The following PCLO variants were observed in gnomAD, a reference collection of about 807,000 sequenced individuals.
The protein encoded by PCLO is protein piccolo.
A neutral mutation model predicts 427.5 loss-of-function variants in PCLO; 82 were observed. The observed-to-expected ratio is 0.19, with a 90% CI of 0.16 to 0.23. The LOEUF is 0.23. PCLO is among the 10% of genes least tolerant of loss of function. The pLI, the probability that PCLO is intolerant of heterozygous loss-of-function variation, is 1.00. For synonymous variants in PCLO, 2,357 were observed against 2,155.4 expected (o/e 1.09, Z -2.59); for missense variants, 6,239 against 6,115.9 (o/e 1.02, Z -0.67).
At chr7:83,072,770 C>A (rs17239691) in intron 3 of PCLO, among the ~76,000 whole-genome samples, 1 of 151,940 alleles carries the variant, frequency 6.6e-6, no homozygotes, top group Non-Finnish European at 1.5e-5. Flanking sequence ...TTTCCACTTG[C>A]TGATGCCTCA....
intron 3 of PCLO, among the ~76,000 whole-genome samples, chr7:83,087,328 A>G (rs1790262885): frequency 6.6e-6 from 1 of 152,066 alleles, no homozygotes; most frequent in Non-Finnish European, 1.5e-5. Flanking sequence ...AGGGCGACAG[A>G]TTAAAAACTG....
At chr7:82,980,225 GAGA>G (rs1796116362) in intron 3 of PCLO, among the ~76,000 whole-genome samples, 1 of 152,152 alleles carries the variant, frequency 6.6e-6, no homozygotes, top group Non-Finnish European at 1.5e-5. Context: ...CAGGGGAGAA[GAGA>G]AGGAGCCGAG....
chr7:82,987,218 A>T (rs1796275464), intron 3 of PCLO, among the ~76,000 whole-genome samples: 1 of 152,032 alleles, frequency 6.6e-6, no homozygotes, highest in African/African-American at 2.4e-5. Context: ...ACTGTGGCAT[A>T]GATAAGACAT....
At chr7:83,087,135 T>C (rs1364377692) in intron 3 of PCLO, among the ~76,000 whole-genome samples, 1 of 150,794 alleles carries the variant, frequency 6.6e-6, no homozygotes, top group Non-Finnish European at 1.5e-5. Flanking sequence ...GACGAGTTAA[T>C]AGGTGCAGCA....
chr7:83,162,297 G>T (rs376263351), intron 1 of PCLO, 48 bp downstream of exon 1: 516 of 1,529,816 alleles, frequency 3.4e-4, no homozygotes, highest in Middle Eastern at 6.9e-4. Context: ...ATATGTGCAC[G>T]GGAAGCTGTA....
At chr7:83,057,347 TA>T (rs1164582222) in intron 3 of PCLO, among the ~76,000 whole-genome samples, 103 of 20,360 alleles carry the variant, frequency 5.1e-3, no homozygotes, top group East Asian at 0.01. Flanking sequence ...TATATATATA[TA>T]TTTTTTTTTT....
In PCLO at chr7:82,952,072, T is replaced by C. The variant is rs1335442515; in HGVS notation, c.8881A>G (p.Thr2961Ala). The change falls in exon 5 of 25, where the codon ACT becomes GCT. Residue 2961 changes from threonine to alanine, a missense_variant. Physicochemically the swap from Thr to Ala is moderately conservative, Grantham distance 58. Transcript: ENST00000333891. ...TAACCAAAACGATCCTCAGGAAGAGTAGTTGCAGGCTGCTGTGCTGTGCAG... is the reference window on the plus strand; with the variant it reads ...TAACCAAAACGATCCTCAGGAAGAGCAGTTGCAGGCTGCTGTGCTGTGCAG... ...RSCTAQQPAT[T>A]LPEDRFGYRD... 7 of 1,613,396 alleles carry C rather than the reference T, an allele frequency of 4.3e-6. No individual in the cohort carries two copies. Among genetic ancestry groups the C allele is most frequent in the East Asian group, 4.5e-5 (2 of 44,854 alleles).
chr7:82,874,565 A>T, intron 10 of PCLO, among the ~76,000 whole-genome samples: 1 of 152,200 alleles, frequency 6.6e-6, no homozygotes, highest in Non-Finnish European at 1.5e-5. Context: ...TTTAAAGAAT[A>T]AGCATGTAGT....
intron 3 of PCLO, among the ~76,000 whole-genome samples, chr7:83,070,473 T>C (rs377594743): frequency 0.012 from 1,876 of 151,324 alleles, 45 homozygotes; most frequent in African/African-American, 0.042. Context: ...GTGCAAGCTC[T>C]GCCTCCCGGG....
Position 82,955,029 on chromosome 7 carries a change from G to C in PCLO, c.5924C>G (p.Thr1975Arg). 6.2e-7 allele frequency: 1 copy of C among 1,613,604 alleles called. No individual in the cohort carries two copies. Among genetic ancestry groups the C allele is most frequent in the Admixed American group, 1.7e-5 (1 of 60,010 alleles). ...AAATCCATTTTCTTCTTCTTGCCTT[G>C]TTAGCAGACTGCCATCTACCGATCC... ...YNGSVDGSLL[T>R]RQEEENGFMQ... Residue 1975 changes from threonine (T) to arginine (R), a missense_variant, in exon 5 of 25, where the codon ACA becomes AGA. By Grantham distance (71) the Thr-to-Arg change is moderately conservative (BLOSUM62 -1). Transcript: ENST00000333891.
At chr7:82,867,832 A>G (rs1036737970) in intron 10 of PCLO, among the ~76,000 whole-genome samples, 1 of 152,140 alleles carries the variant, frequency 6.6e-6, no homozygotes, top group African/African-American at 2.4e-5. Flanking sequence ...TTTCAAAATA[A>G]ATGGATAAAG....
At chr7:82,762,868 A>G (rs956564501) in intron 22 of PCLO, among the ~76,000 whole-genome samples, 5 of 151,844 alleles carry the variant, frequency 3.3e-5, no homozygotes, top group African/African-American at 7.3e-5. Context: ...TCTCAAACTC[A>G]TGGCCTTAAG....
chr7:83,024,576 A>T (rs1004575193), intron 3 of PCLO, among the ~76,000 whole-genome samples: 5 of 152,210 alleles, frequency 3.3e-5, no homozygotes, highest in East Asian at 1.9e-4. Flanking sequence ...CAAAGCAGCC[A>T]GGAAGCTCGA....
chr7:82,937,866 T>C (rs570885795), intron 6 of PCLO, among the ~76,000 whole-genome samples: 60 of 152,008 alleles, frequency 3.9e-4, no homozygotes, highest in African/African-American at 1.4e-3. Context: ...TCCTTCTTGC[T>C]ATGAGACTAA....
intron 3 of PCLO, among the ~76,000 whole-genome samples, chr7:83,100,496 C>T (rs1363518536): frequency 6.6e-6 from 1 of 152,074 alleles, no homozygotes; most frequent in Non-Finnish European, 1.5e-5. Flanking sequence ...GAGATTGTGT[C>T]CTTTGCTGGG....
intron 3 of PCLO, among the ~76,000 whole-genome samples, chr7:83,031,151 A>G (rs1362482380): frequency 1.3e-5 from 2 of 152,208 alleles, no homozygotes; most frequent in African/African-American, 4.8e-5. Context: ...CAGCAGATCT[A>G]TTGTGAGCAA....
At chr7:82,803,141 GA>G (rs200854729) in intron 21 of PCLO, among the ~76,000 whole-genome samples, 67 of 146,118 alleles carry the variant, frequency 4.6e-4, no homozygotes, top group South Asian at 1.7e-3. Flanking sequence ...AAGTAGTTAA[GA>G]AAAAAAAAAG....
intron 6 of PCLO, among the ~76,000 whole-genome samples, chr7:82,936,986 T>C (rs1415495920): frequency 2.6e-5 from 4 of 151,700 alleles, no homozygotes; most frequent in Admixed American, 6.6e-5. Context: ...TGTCAGAGGC[T>C]AAGCGGGGAA....
intron 9 of PCLO, among the ~76,000 whole-genome samples, chr7:82,887,738 A>G (rs1793660461): frequency 6.6e-6 from 1 of 152,194 alleles, no homozygotes; most frequent in Non-Finnish European, 1.5e-5. Flanking sequence ...GTGATTTCAG[A>G]AGAGATTCAA....
Sources: allele counts gnomAD v4.1 joint callset (sites outside exome capture counted in the v4.1 genomes callset), GRCh38; gene constraint gnomAD v4.1.1; transcripts MANE v1.5; gene names NCBI Gene and HGNC (gene_info 2026-07-23, HGNC 2026-07-21).